UNC13C: variants seen among roughly 807,000 people sequenced by gnomAD.
The protein encoded by UNC13C is unc-13 homolog C.
In UNC13C, 174 loss-of-function variants were observed where a neutral mutation model predicts 245.4. The observed-to-expected ratio is 0.71, with a 90% CI of 0.63 to 0.80. The LOEUF is 0.80. Ranked by LOEUF, UNC13C falls within the 30% of genes least tolerant of loss-of-function variation. The pLI is 0.00. For missense variants in UNC13C, 2,829 were observed against 2,602.9 expected (o/e 1.09, Z -1.89); for synonymous variants, 992 against 895.1 (o/e 1.11, Z -1.93).
Position 54,300,335 on chromosome 15 carries a change from T to C in UNC13C, c.4230T>C (p.Ala1410=). The C allele has an allele frequency of 6.3e-7, 1 of 1,582,468 alleles. No homozygotes were observed. The highest frequency in any genetic ancestry group is 8.6e-7 in the Non-Finnish European group (1 of 1,162,716). Residue 1410 remains alanine (A), a synonymous_variant, in exon 13 of 33, where the codon GCT becomes GCC. Coordinates refer to ENST00000260323, the MANE Select transcript of UNC13C (RefSeq NM_001080534.3). ...CCCAAGAAATAGTTGATGAATTTGCTATGCGTTATGGAATTGAATCCATTT... is the reference window on the plus strand; with the variant it reads ...CCCAAGAAATAGTTGATGAATTTGCCATGCGTTATGGAATTGAATCCATTT... The part of the protein sequence containing the change: ...DASQEIVDEF[A]MRYGIESIYQ...
intron 22 of UNC13C, 124 bp from the exon 23 acceptor site, chr15:54,506,993 G>A (rs1189891693): frequency 5.2e-6 from 3 of 575,494 alleles, no homozygotes; most frequent in South Asian, 2.8e-5. Context: ...AGTTGTTAGA[G>A]GGAGAAAAAA....
chr15:53,986,850 C>A (rs1196272523), intron 1 of UNC13C, among the ~76,000 whole-genome samples: 2 of 151,818 alleles, frequency 1.3e-5, no homozygotes, highest in Non-Finnish European at 2.9e-5. Context: ...AAATTTGTTA[C>A]TATATGTCTG....
intron 4 of UNC13C, among the ~76,000 whole-genome samples, chr15:54,144,758 G>A (rs980147514): frequency 2.0e-5 from 3 of 151,826 alleles, no homozygotes; most frequent in Admixed American, 2.0e-4. Context: ...TTCTTCTATT[G>A]GTGGGTTTTC....
At chr15:54,238,307 T>C (rs28489652) in intron 7 of UNC13C, among the ~76,000 whole-genome samples, 9,217 of 152,100 alleles carry the variant, frequency 0.061, 976 homozygotes, top group African/African-American at 0.21. Context: ...TCTCTTGATC[T>C]CATGATCTGC....
At chr15:54,375,099 T>C (rs2039576997) in intron 17 of UNC13C, among the ~76,000 whole-genome samples, 2 of 152,182 alleles carry the variant, frequency 1.3e-5, no homozygotes, top group Admixed American at 6.5e-5. Context: ...ATGCAAGAAT[T>C]TCTGTAAGAT....
intron 19 of UNC13C, among the ~76,000 whole-genome samples, chr15:54,427,323 G>T (rs2140969557): frequency 1.3e-5 from 2 of 151,764 alleles, no homozygotes; most frequent in Middle Eastern, 6.8e-3. Context: ...GTTTATCAGA[G>T]GTTTCCACTT....
chr15:54,095,942 G>A (rs957497424), intron 2 of UNC13C, among the ~76,000 whole-genome samples: 9 of 152,310 alleles, frequency 5.9e-5, no homozygotes, highest in Admixed American at 3.3e-4. Context: ...CACACAGCAC[G>A]TGTCCATGTC....
intron 10 of UNC13C, among the ~76,000 whole-genome samples, chr15:54,285,001 A>G (rs1287037235): frequency 1.3e-5 from 2 of 152,078 alleles, no homozygotes; most frequent in Non-Finnish European, 1.5e-5. Flanking sequence ...GGTTCAGGGA[A>G]ATTAATGTAG....
chr15:53,920,282 A>G, the UNC13C span, among the ~76,000 whole-genome samples: 13 of 152,180 alleles, frequency 8.5e-5, no homozygotes, highest in Admixed American at 6.5e-4. Flanking sequence ...AACTTAAAAA[A>G]GCAGAATTAG....
intron 1 of UNC13C, among the ~76,000 whole-genome samples, chr15:54,001,334 C>G (rs143254739): frequency 0.01 from 1,560 of 152,216 alleles, 29 homozygotes; most frequent in African/African-American, 0.037. Context: ...ATCAAATGAG[C>G]CTGTGACACA....
chr15:54,231,383 G>A (rs1463288321), intron 4 of UNC13C, among the ~76,000 whole-genome samples: 1 of 151,894 alleles, frequency 6.6e-6, no homozygotes. Flanking sequence ...TAGAGATATA[G>A]GATATCCCAA....
At chr15:53,864,713 GAA>G in the UNC13C span, among the ~76,000 whole-genome samples, 2 of 152,144 alleles carry the variant, frequency 1.3e-5, no homozygotes, top group Non-Finnish European at 2.9e-5. Flanking sequence ...TGTCCCTGAA[GAA>G]ATACCCTCTT....
In UNC13C at chr15:54,112,692, A is replaced by G. The variant is rs80305163; in HGVS notation, c.2984-30326A>G. The stretch of plus-strand genomic sequence containing the variant: ...CAGGCTGCTTTTTGTTAGAAAAGAA[A>G]TAATTTTGGTGCTGCTTTTTATAAA... On this transcript the variant is annotated intron_variant, in intron 2 of 32. Coordinates refer to ENST00000260323, the MANE Select transcript of UNC13C (RefSeq NM_001080534.3). Among the ~76,000 whole-genome samples the G allele has an allele frequency of 4.8e-3, 730 of 152,314 alleles. 9 individuals are homozygous for G. The highest frequency in any genetic ancestry group is 0.017 in the African/African-American group (698 of 41,568).
chr15:53,957,151 GTTTT>G, the UNC13C span, among the ~76,000 whole-genome samples: 11 of 116,796 alleles, frequency 9.4e-5, no homozygotes, highest in African/African-American at 2.8e-4. Context: ...TTGTTTGTTT[GTTTT>G]TTTTGAGACA....
intron 17 of UNC13C, among the ~76,000 whole-genome samples, chr15:54,363,936 ATAT>A (rs2039296305): frequency 6.6e-6 from 1 of 152,228 alleles, no homozygotes; most frequent in Non-Finnish European, 1.5e-5. Flanking sequence ...AATTTTCAGT[ATAT>A]TAAAAAGCCC....
At chr15:54,461,984 A>G (rs926317815) in intron 19 of UNC13C, among the ~76,000 whole-genome samples, 16 of 152,214 alleles carry the variant, frequency 1.1e-4, no homozygotes, top group African/African-American at 3.9e-4. Flanking sequence ...GATGACCACA[A>G]ACCTTTTGAG....
intron 2 of UNC13C, among the ~76,000 whole-genome samples, chr15:54,059,051 C>G (rs569863924): frequency 1.3e-5 from 2 of 152,242 alleles, no homozygotes; most frequent in East Asian, 1.9e-4. Flanking sequence ...AAAAGTGGCA[C>G]AAGACAGGGA....
At chr15:53,973,311 T>C (rs560181151), upstream of UNC13C, among the ~76,000 whole-genome samples, 37 of 152,298 alleles carry the variant, frequency 2.4e-4, no homozygotes, top group African/African-American at 8.4e-4. Flanking sequence ...TGCTAGCTAA[T>C]ATTTATTGAG....
chr15:53,991,366 A>C (rs983554858), intron 1 of UNC13C, among the ~76,000 whole-genome samples: 3 of 152,014 alleles, frequency 2.0e-5, no homozygotes, highest in Admixed American at 2.0e-4. Flanking sequence ...AAACATATCA[A>C]AAATCATGTC....
Sources: gnomAD v4.1 joint callset for allele counts (sites outside exome capture counted in the v4.1 genomes callset) on GRCh38, gnomAD v4.1.1 for gene constraint, MANE v1.5 for transcripts, NCBI Gene and HGNC (gene_info 2026-07-23, HGNC 2026-07-21) for gene names.